Variants in RBFOX1 observed in about 807,000 individuals in gnomAD.
The protein encoded by RBFOX1 is RNA binding fox-1 homolog 1, also known as RNA binding protein fox-1 homolog 1.
In RBFOX1, 8 loss-of-function variants were observed where a neutral mutation model predicts 57.7. The observed-to-expected ratio is 0.14, with a 90% CI of 0.08 to 0.25. The LOEUF is 0.25. Among genes scored for constraint, RBFOX1 ranks in the 10% least tolerant of loss-of-function variants. The pLI is 1.00. For synonymous variants in RBFOX1, 326 were observed against 222.4 expected (o/e 1.47, Z -4.15); for missense variants, 611 against 548.5 (o/e 1.11, Z -1.14).
At chr16:6,637,095 A>T (rs1339726724) in intron 2 of RBFOX1, among the ~76,000 whole-genome samples, 1 of 36,702 alleles carries the variant, frequency 2.7e-5, no homozygotes, top group East Asian at 1.2e-3. Context: ...AATACATATT[A>T]AATATATATA....
rs1004633509 is a variant in RBFOX1 at position 7,533,396 on chromosome 16, A to T, written c.270+15007A>T. 1.2e-4 allele frequency among the ~76,000 whole-genome samples: 19 copies of T among 152,116 alleles called. No individual in the cohort carries two copies. The South Asian group carries it at 2.1e-3, about 17-fold the overall frequency. Reference sequence around the variant, plus strand: ...TCCACCTTGAAACACCCATACACATACACACAGCCCTGCATTTTTTAAAAA... The same window carrying T: ...TCCACCTTGAAACACCCATACACATTCACACAGCCCTGCATTTTTTAAAAA... On this transcript the variant is annotated intron_variant, in intron 5 of 15. Coordinates refer to ENST00000550418, the MANE Select transcript of RBFOX1 (RefSeq NM_018723.4).
chr16:7,605,898 G>T (rs2095265244), intron 9 of RBFOX1, among the ~76,000 whole-genome samples: 1 of 152,026 alleles, frequency 6.6e-6, no homozygotes. Context: ...GAGTACAGTG[G>T]CACCATCTTG....
intron 4 of RBFOX1, among the ~76,000 whole-genome samples, chr16:7,462,435 G>C (rs1180700089): frequency 6.6e-6 from 1 of 152,186 alleles, no homozygotes; most frequent in African/African-American, 2.4e-5. Context: ...AGATTGCAGT[G>C]AGCCAAGATC....
chr16:7,636,545 AATTAC>A (rs1343491430), intron 11 of RBFOX1, among the ~76,000 whole-genome samples: 1 of 152,192 alleles, frequency 6.6e-6, no homozygotes, highest in East Asian at 1.9e-4. Context: ...ATACATTTTT[AATTAC>A]ATAGGCAAAT....
At chr16:5,786,603 C>G (rs547538892) in intron 3 of RBFOX1, among the ~76,000 whole-genome samples, 94 of 152,294 alleles carry the variant, frequency 6.2e-4, no homozygotes, top group African/African-American at 2.2e-3. Flanking sequence ...AAGACCTCTG[C>G]ACCTGTCTTG....
chr16:7,459,818 G>C (rs972385885), intron 4 of RBFOX1, among the ~76,000 whole-genome samples: 2 of 152,056 alleles, frequency 1.3e-5, no homozygotes, highest in African/African-American at 4.8e-5. Flanking sequence ...TCTTTTAGAT[G>C]CTTACGGGCC....
chr16:5,697,274 C>G (rs2058168), intron 3 of RBFOX1, among the ~76,000 whole-genome samples: 142,753 of 152,058 alleles, frequency 0.94, 67,134 homozygotes, highest in Non-Finnish European at 0.96. Context: ...AGACTGTTTT[C>G]GCTCTCTCTT....
intron 5 of RBFOX1, among the ~76,000 whole-genome samples, chr16:7,567,407 C>CTATATATATCCCTATGTATGGCCCTA (rs2092063006): frequency 2.0e-4 from 14 of 69,094 alleles, no homozygotes; most frequent in Middle Eastern, 0.022. Context: ...ATATATATCC[C>CTATATATATCCCTATGTATGGCCCTA]TATATATATA....
chr16:7,505,480 A>T (rs992954602), intron 4 of RBFOX1, among the ~76,000 whole-genome samples: 1 of 152,238 alleles, frequency 6.6e-6, no homozygotes, highest in Admixed American at 6.5e-5. Context: ...AGGGCTAAGC[A>T]CATATTTCCC....
chr16:7,548,723 G>T (rs908462938), intron 5 of RBFOX1, among the ~76,000 whole-genome samples: 1 of 152,198 alleles, frequency 6.6e-6, no homozygotes, highest in Non-Finnish European at 1.5e-5. Context: ...TGGGAGCAAA[G>T]ACAGCTTTGC....
intron 4 of RBFOX1, among the ~76,000 whole-genome samples, chr16:5,886,777 A>G (rs35193396): frequency 1.3e-5 from 2 of 152,196 alleles, no homozygotes; most frequent in Non-Finnish European, 1.5e-5. Flanking sequence ...AATCCCAGCT[A>G]CTTGGGAGGC....
chr16:7,003,946 C>T (rs1180843139), intron 3 of RBFOX1: 1 of 137,354 alleles, frequency 7.3e-6, no homozygotes, highest in East Asian at 2.2e-4. Context: ...TATCTGCTTT[C>T]TTTTAAAAAA....
intron 4 of RBFOX1, among the ~76,000 whole-genome samples, chr16:5,957,522 GC>G (rs1219381417): frequency 1.3e-5 from 2 of 152,174 alleles, no homozygotes; most frequent in Non-Finnish European, 2.9e-5. Context: ...GCCTTGCCCA[GC>G]CATAATTTCT....
At chr16:7,422,426 G>A (rs144950415) in intron 4 of RBFOX1, among the ~76,000 whole-genome samples, 1 of 152,286 alleles carries the variant, frequency 6.6e-6, no homozygotes, top group African/African-American at 2.4e-5. Flanking sequence ...AACATTACCT[G>A]CATTATTTCG....
chr16:7,575,883 T>G lies in RBFOX1; in HGVS notation c.271-3894T>G, dbSNP rs7196719. On this transcript the variant is annotated intron_variant, in intron 5 of 15. Transcript: ENST00000550418. The stretch of plus-strand genomic sequence containing the variant: ...CTGAGGTAGCTGCTCTGTCATCTCC[T>G]GCTGCATTTCATCCTTCCCACTATC... 2.0e-5 allele frequency among the ~76,000 whole-genome samples: 3 copies of G among 151,732 alleles called. No homozygotes were observed. The South Asian group carries it at 6.2e-4, about 31-fold the overall frequency.
intron 2 of RBFOX1, among the ~76,000 whole-genome samples, chr16:5,508,606 C>T (rs1597346743): frequency 6.6e-6 from 1 of 151,620 alleles, no homozygotes; most frequent in Admixed American, 6.6e-5. Flanking sequence ...CAGAGTGCCA[C>T]ACCCAAGATG....
intron 2 of RBFOX1, among the ~76,000 whole-genome samples, chr16:6,322,779 GGA>G (rs1233435745): frequency 6.6e-6 from 1 of 152,130 alleles, no homozygotes; most frequent in Non-Finnish European, 1.5e-5. Context: ...AATACAAGAG[GGA>G]GAGAGAATGA....
intron 11 of RBFOX1, among the ~76,000 whole-genome samples, chr16:7,650,654 A>G (rs907597712): frequency 6.6e-6 from 1 of 152,224 alleles, no homozygotes; most frequent in Non-Finnish European, 1.5e-5. Flanking sequence ...CTTGTGGCTG[A>G]GAGGGAGCTT....
chr16:5,590,077 A>AC (rs60528787), intron 2 of RBFOX1, among the ~76,000 whole-genome samples: 23 of 96,694 alleles, frequency 2.4e-4, no homozygotes, highest in South Asian at 8.1e-4. Flanking sequence ...ACACACACAC[A>AC]AAAAGGGCAG....
Sources: allele counts gnomAD v4.1 joint callset (sites outside exome capture counted in the v4.1 genomes callset), GRCh38; gene constraint gnomAD v4.1.1; transcripts MANE v1.5; gene names NCBI Gene and HGNC (gene_info 2026-07-23, HGNC 2026-07-21).